Variants in DDR2 observed in about 807,000 individuals in gnomAD.
DDR2 encodes discoidin domain receptor tyrosine kinase 2, also known as discoidin domain-containing receptor 2.
DDR2 carries 27 observed loss-of-function variants against 94.9 expected under a neutral mutation model. The ratio of observed to expected loss-of-function variants is 0.28; its 90% CI spans 0.21 to 0.39. The LOEUF (loss-of-function observed/expected upper bound fraction) is 0.39, where lower values mean the gene tolerates loss of function less well. DDR2 is among the 10% of genes least tolerant of loss of function. The pLI is 1.00. For synonymous variants in DDR2, 382 were observed against 377.2 expected, an observed-to-expected ratio of 1.01 and a Z score of -0.15; for missense variants, 783 against 1,076.0, an observed-to-expected ratio of 0.73 and a Z score of 3.81.
chr1:162,668,820 A>T (rs2101933405), intron 2 of DDR2, among the ~76,000 whole-genome samples: 1 of 152,276 alleles, frequency 6.6e-6, no homozygotes, highest in Non-Finnish European at 1.5e-5. Flanking sequence ...CCTTATTTGG[A>T]AATAGGGTCT....
intron 2 of DDR2, among the ~76,000 whole-genome samples, chr1:162,665,255 A>G (rs997439935): frequency 1.3e-5 from 2 of 152,234 alleles, no homozygotes; most frequent in African/African-American, 2.4e-5. Context: ...CTCTTTTAAC[A>G]TAAGGCTGTG....
intron 1 of DDR2, among the ~76,000 whole-genome samples, chr1:162,642,446 G>GT (rs1300000491): frequency 8.2e-6 from 1 of 121,754 alleles, no homozygotes; most frequent in African/African-American, 3.4e-5. Context: ...CTAATTTTCT[G>GT]TGTTTTTTTT....
chr1:162,646,236 A>G (rs1280894725), intron 1 of DDR2, among the ~76,000 whole-genome samples: 1 of 152,000 alleles, frequency 6.6e-6, no homozygotes, highest in Non-Finnish European at 1.5e-5. Context: ...AAATCCTAGA[A>G]CTCTTGTGGA....
intron 17 of DDR2, 126 bp downstream of exon 17, chr1:162,778,855 C>A: frequency 7.8e-7 from 1 of 1,276,804 alleles, no homozygotes; most frequent in Non-Finnish European, 1.1e-6. Context: ...GTCTTTGTCA[C>A]TAACTATCCA....
chr1:162,660,296 G>A (rs894405725), intron 2 of DDR2, among the ~76,000 whole-genome samples: 1 of 152,136 alleles, frequency 6.6e-6, no homozygotes, highest in Non-Finnish European at 1.5e-5. Flanking sequence ...ATTTAGCACA[G>A]TATTTATCAG....
At chr1:162,766,135 G>A in intron 10 of DDR2, 72 bp downstream of exon 10, 1 of 1,535,852 alleles carries the variant, frequency 6.5e-7, no homozygotes, top group Non-Finnish European at 9.0e-7. Flanking sequence ...GTGGAGAGTT[G>A]CAAAGCCCTG....
intron 9 of DDR2, 39 bp from the exon 10 acceptor site, chr1:162,765,962 T>A (rs748404249): frequency 2.5e-6 from 4 of 1,608,786 alleles, no homozygotes; most frequent in Non-Finnish European, 3.4e-6. Context: ...TAGCTGTCTG[T>A]CTTCTCCCTG....
rs2102195140 is a variant in DDR2 at position 162,775,648 on chromosome 1, C to T, written c.1857-4C>T. ...GAGTTTATCTATGTCTGTATCCTCC[C>T]AAGGAATGATTTTCTTAAGGAGATA... is the stretch of plus-strand genomic sequence containing the variant. On this transcript the variant is annotated splice_region_variant and splice_polypyrimidine_tract_variant and intron_variant, in intron 14 of 17. Transcript: ENST00000367921. 2 of 1,613,870 alleles carry T rather than the reference C, an allele frequency of 1.2e-6. No homozygotes were observed. The highest frequency in any genetic ancestry group is 1.7e-6 in the Non-Finnish European group (2 of 1,179,922).
intron 9 of DDR2, among the ~76,000 whole-genome samples, chr1:162,764,822 G>C (rs1289709187): frequency 7.1e-6 from 1 of 141,748 alleles, no homozygotes; most frequent in Non-Finnish European, 1.5e-5. Flanking sequence ...GTGAGACCCT[G>C]TTTAAAAAAA....
At position 162,748,259 on chromosome 1, in the gene DDR2, T is replaced by G. The variant is rs574293226; in HGVS notation, c.83-4836T>G. The stretch of plus-strand genomic sequence containing the variant: ...GTGTGCTGTATTCAGGAGACCCATC[T>G]CATGTGCAGAGACACACATAGGCTC... On this transcript the variant is annotated intron_variant, in intron 3 of 17. Transcript: ENST00000367921. Among the ~76,000 whole-genome samples the G allele has an allele frequency of 5.6e-4, 86 of 152,254 alleles. 1 individual carries two copies. Among genetic ancestry groups the G allele is most frequent in the African/African-American group, 1.9e-3 (79 of 41,536 alleles).
At chr1:162,773,877 CT>C (rs1262472611) in intron 14 of DDR2, among the ~76,000 whole-genome samples, 2 of 152,224 alleles carry the variant, frequency 1.3e-5, no homozygotes, top group African/African-American at 4.8e-5. Context: ...ACATATACAA[CT>C]GTCTAAATGT....
intron 3 of DDR2, among the ~76,000 whole-genome samples, chr1:162,748,668 A>G (rs1571284073): frequency 1.3e-5 from 2 of 152,370 alleles, no homozygotes; most frequent in East Asian, 3.9e-4. Context: ...ATAGACATCT[A>G]CAGAACTCTC....
intron 2 of DDR2, among the ~76,000 whole-genome samples, chr1:162,658,772 A>G (rs1325690095): frequency 6.6e-6 from 1 of 150,572 alleles, no homozygotes; most frequent in Non-Finnish European, 1.5e-5. Context: ...AGGCATGGTA[A>G]GCCCTGTTCA....
intron 11 of DDR2, among the ~76,000 whole-genome samples, chr1:162,768,641 G>A (rs1009479163): frequency 2.6e-5 from 4 of 152,194 alleles, no homozygotes; most frequent in Admixed American, 6.5e-5. Context: ...CAATCCTGAT[G>A]AGTAGCCTGC....
chr1:162,710,587 G>A (rs1298279583), intron 2 of DDR2, among the ~76,000 whole-genome samples: 1 of 152,142 alleles, frequency 6.6e-6, no homozygotes, highest in Non-Finnish European at 1.5e-5. Flanking sequence ...CTCCAAAACT[G>A]CTCTTCATAT....
rs2102138748 is a variant in DDR2 at position 162,755,786 on chromosome 1, T to G, written c.671+17T>G. ...TGGATACAGGTAAATCCTGGGAAACTTTATTAGAATGGGAAATTGGCCACT... is the reference window on the plus strand; with the variant it reads ...TGGATACAGGTAAATCCTGGGAAACGTTATTAGAATGGGAAATTGGCCACT... On this transcript the variant is annotated intron_variant, in intron 7 of 17. Transcript: ENST00000367921. 1 of 1,604,058 alleles carries G rather than the reference T, an allele frequency of 6.2e-7. No individual in the cohort carries two copies. Among genetic ancestry groups the G allele is most frequent in the South Asian group, 1.1e-5 (1 of 90,882 alleles).
At chr1:162,734,029 C>T (rs1438733336) in intron 3 of DDR2, among the ~76,000 whole-genome samples, 7 of 152,120 alleles carry the variant, frequency 4.6e-5, no homozygotes, top group Non-Finnish European at 8.8e-5. Context: ...TCTCCCCTAC[C>T]GGAATGTAAG....
rs181105882 is a variant in DDR2 at position 162,765,035 on chromosome 1, T to C, written c.1100-966T>C. On this transcript the variant is annotated intron_variant, in intron 9 of 17. Transcript: ENST00000367921. Reference sequence around the variant, plus strand: ...AAGAGTAAGTTGATTGATTGTTTCATCTGAATACTGAGAGTAGAAATCAAG... The same window carrying C: ...AAGAGTAAGTTGATTGATTGTTTCACCTGAATACTGAGAGTAGAAATCAAG... 1.6e-4 allele frequency among the ~76,000 whole-genome samples: 24 copies of C among 152,280 alleles called. No homozygotes were observed. In the East Asian group the frequency reaches 4.3e-3, roughly 27 times the overall value.
chr1:162,755,883 G>A (rs1176283297), intron 7 of DDR2, 114 bp downstream of exon 7: 1 of 916,254 alleles, frequency 1.1e-6, no homozygotes, highest in Non-Finnish European at 1.7e-6. Context: ...TTTAGTTCTT[G>A]TACAAGGCAT....
Sources: gnomAD v4.1 joint callset for allele counts (sites outside exome capture counted in the v4.1 genomes callset) on GRCh38, gnomAD v4.1.1 for gene constraint, MANE v1.5 for transcripts, NCBI Gene and HGNC (gene_info 2026-07-23, HGNC 2026-07-21) for gene names.